The following CPNE3 variants were observed in gnomAD, a reference collection of about 807,000 sequenced individuals.
CPNE3 encodes copine-3.
CPNE3 carries 68 observed loss-of-function variants against 63.9 expected under a neutral mutation model. That is an observed-to-expected ratio of 1.06 (90% confidence interval 0.87 to 1.30). The LOEUF (loss-of-function observed/expected upper bound fraction) is 1.30. CPNE3 is among the 50% of genes most tolerant of loss of function. The pLI, the probability that CPNE3 is intolerant of heterozygous loss-of-function variation, is 0.00. For synonymous variants in CPNE3, 219 were observed against 197.5 expected (o/e 1.11, Z -0.91); for missense variants, 665 against 578.1 (o/e 1.15, Z -1.54).
Position 86,546,604 on chromosome 8 carries a change from G to T in CPNE3, c.742G>T (p.Glu248Ter). 6.2e-7 allele frequency: 1 copy of T among 1,612,674 alleles called. No homozygotes were observed. Among genetic ancestry groups the T allele is most frequent in the South Asian group, 1.1e-5 (1 of 90,686 alleles). Residue 248 changes from glutamate to a stop codon, truncating the protein, a stop_gained, in exon 10 of 17, where the codon GAA becomes TAA. Coordinates refer to ENST00000517490, the MANE Select transcript of CPNE3 (RefSeq NM_003909.5). LOFTEE classifies it high-confidence loss of function. ...TCTTCTCTTCCTACAGGTTGAATTT[G>T]AATGCATAAATGAGAAAAAAAGGCA... is the stretch of plus-strand genomic sequence containing the variant. ...EASRSSPVEF[E>*]CINEKKRQKK...
intron 2 of CPNE3, among the ~76,000 whole-genome samples, chr8:86,525,275 A>G (rs915020499): frequency 6.6e-6 from 1 of 152,166 alleles, no homozygotes; most frequent in Non-Finnish European, 1.5e-5. Context: ...GTATGAGCCA[A>G]TATGCCCAGC....
At chr8:86,517,303 C>G (rs974435953) in intron 2 of CPNE3, among the ~76,000 whole-genome samples, 5 of 152,104 alleles carry the variant, frequency 3.3e-5, no homozygotes, top group Non-Finnish European at 4.4e-5. Context: ...GAAGGAAATA[C>G]TACATACTCA....
At position 86,558,630 on chromosome 8, in the gene CPNE3, A is replaced by G; in HGVS notation, c.*220A>G. 4.3e-6 allele frequency: 2 copies of G among 465,742 alleles called. No individual in the cohort carries two copies. Among genetic ancestry groups the G allele is most frequent in the Admixed American group, 3.3e-5 (1 of 30,018 alleles). The allele number at this position is 465,742 out of a possible 1,614,324, so 28.9% of individuals were successfully genotyped here. A position where few individuals can be genotyped will look rare whatever the true frequency, so the allele number is the denominator to read the frequency against. On this transcript the variant is annotated 3_prime_UTR_variant, in exon 17 of 17. Coordinates refer to ENST00000517490, the MANE Select transcript of CPNE3 (RefSeq NM_003909.5). ...AATTCAGTGATTGATAGCAATTTAC[A>G]TTAATTGCAGTAAAGCTCTTTGGAT...
Position 86,551,043 on chromosome 8 carries a change from T to C in CPNE3, c.1014-3T>C. 1 of 1,588,520 alleles carries C rather than the reference T, an allele frequency of 6.3e-7. No homozygotes were observed. Among genetic ancestry groups the C allele is most frequent in the Non-Finnish European group, 8.6e-7 (1 of 1,167,960 alleles). ...ATTTTATTAAATATTTTTTTCTTTT[T>C]AGTGATAAGATGTTTCCAGCTTTTG... On this transcript the variant is annotated splice_region_variant and splice_polypyrimidine_tract_variant and intron_variant, in intron 12 of 16. Coordinates refer to ENST00000517490, the MANE Select transcript of CPNE3 (RefSeq NM_003909.5).
At chr8:86,542,375 G>A (rs1820959992) in intron 8 of CPNE3, among the ~76,000 whole-genome samples, 1 of 152,098 alleles carries the variant, frequency 6.6e-6, no homozygotes, top group African/African-American at 2.4e-5. Flanking sequence ...AAGATCAAGT[G>A]AATACGAAAA....
At chr8:86,529,680 C>T (rs1324913764) in intron 4 of CPNE3, among the ~76,000 whole-genome samples, 1 of 152,144 alleles carries the variant, frequency 6.6e-6, no homozygotes, top group Non-Finnish European at 1.5e-5. Flanking sequence ...TCTGTCTTCC[C>T]AGTATATGAT....
Position 86,524,911 on chromosome 8 carries a change from A to C in CPNE3, c.-10-3625A>C, listed in dbSNP as rs191072291. The C allele has an allele frequency of 6.2e-5, 8 of 129,556 alleles. No homozygotes were observed. The East Asian group carries it at 1.6e-3, about 25-fold the overall frequency. 8.0% of individuals were successfully genotyped at this position (129,556 alleles called of 1,614,324 possible). A position where few individuals can be genotyped will look rare whatever the true frequency, so the allele number is the denominator to read the frequency against. Reference sequence around the variant, plus strand: ...TGCTCTGTCGCCCAGGTTGGAATGCAATGGCGTGATCTCACTGACCGAAAC... The same window carrying C: ...TGCTCTGTCGCCCAGGTTGGAATGCCATGGCGTGATCTCACTGACCGAAAC... On this transcript the variant is annotated intron_variant, in intron 2 of 16. Coordinates refer to ENST00000517490, the MANE Select transcript of CPNE3 (RefSeq NM_003909.5).
At chr8:86,547,496 C>A in intron 10 of CPNE3, 1 of 467,428 alleles carries the variant, frequency 2.1e-6, no homozygotes, top group Non-Finnish European at 3.8e-6. Flanking sequence ...CATTAGTATT[C>A]TAATCTTAAC....
chr8:86,532,547 G>T lies in CPNE3; in HGVS notation c.426G>T (p.Leu142Phe). The change falls in exon 6 of 17, where the codon TTG (leucine) becomes TTT (phenylalanine). Residue 142 changes from leucine to phenylalanine, a missense_variant. Transcript: ENST00000517490. The stretch of plus-strand genomic sequence containing the variant: ...AAATAAAAGATAATAGAGTGGTCTT[G>T]TTTGAAATGGAAGCCAGAAAACTGG... ...AEEIKDNRVV[L>F]FEMEARKLDN... 2 of 1,613,248 alleles carry T rather than the reference G, an allele frequency of 1.2e-6. No homozygotes were observed. The highest frequency in any genetic ancestry group is 8.5e-7 in the Non-Finnish European group (1 of 1,179,594).
At chr8:86,532,383 T>C (rs561662919) in intron 5 of CPNE3, 126 bp from the exon 6 acceptor site, 7 of 592,994 alleles carry the variant, frequency 1.2e-5, no homozygotes, top group Admixed American at 3.3e-5. Context: ...CATTTTCTTA[T>C]GAAACATTTT....
At chr8:86,539,967 C>CA (rs1820896711) in intron 7 of CPNE3, among the ~76,000 whole-genome samples, 1 of 152,064 alleles carries the variant, frequency 6.6e-6, no homozygotes, top group East Asian at 1.9e-4. Context: ...GCCCAGCCAT[C>CA]CTCTGTAGTT....
intron 2 of CPNE3, among the ~76,000 whole-genome samples, chr8:86,517,069 A>G (rs11781016): frequency 1.3e-5 from 2 of 151,932 alleles, no homozygotes; most frequent in African/African-American, 4.8e-5. Flanking sequence ...TCAGCCTACA[A>G]TCTAGCTTCC....
intron 10 of CPNE3, 89 bp downstream of exon 10, chr8:86,546,770 G>A: frequency 7.1e-7 from 1 of 1,404,184 alleles, no homozygotes; most frequent in South Asian, 1.4e-5. Flanking sequence ...GGAGCGCAGT[G>A]GTGTGATCTC....
rs758311458 is a variant in CPNE3 at position 86,556,279 on chromosome 8, T to A, written c.1432T>A (p.Leu478Met). ...TGATGGTGGAAGTCTCCGCTCCCCA[T>A]TGGGCGAAGTGGCCATCAGAGATAT... Reference protein sequence around the residue: ...DGDGGSLRSPLGEVAIRDIVQ... With the variant: ...DGDGGSLRSPMGEVAIRDIVQ... The change falls in exon 16 of 17, where the codon TTG becomes ATG. Residue 478 changes from leucine (L) to methionine (M), a missense_variant. Transcript: ENST00000517490. 10 of 873,022 alleles carry A rather than the reference T, an allele frequency of 1.1e-5. No individual in the cohort carries two copies. The highest frequency in any genetic ancestry group is 2.0e-5 in the Non-Finnish European group (10 of 501,682). 54.1% of individuals were successfully genotyped at this position (873,022 alleles called of 1,614,324 possible).
At chr8:86,553,922 T>C (rs574519605) in intron 14 of CPNE3, 1 of 152,336 alleles carries the variant, frequency 6.6e-6, no homozygotes, top group South Asian at 2.1e-4. Flanking sequence ...TGACCAGCAA[T>C]GTCAGTCAGC....
At position 86,554,850 on chromosome 8, in the gene CPNE3, G is replaced by C. The variant is rs138127593; in HGVS notation, c.1121-1G>C. Reference sequence around the variant, plus strand: ...GTTTTTTATTTGTTTGTTTGTTCTAGGAATCCAAGGCATTGTAGAGGCGTA... The same window carrying C: ...GTTTTTTATTTGTTTGTTTGTTCTACGAATCCAAGGCATTGTAGAGGCGTA... On this transcript the variant is annotated splice_acceptor_variant, in intron 14 of 16. Coordinates refer to ENST00000517490, the MANE Select transcript of CPNE3 (RefSeq NM_003909.5). LOFTEE classifies it high-confidence loss of function. The C allele has an allele frequency of 5.6e-6, 9 of 1,611,594 alleles. No homozygotes were observed. The highest frequency in any genetic ancestry group is 7.6e-6 in the Non-Finnish European group (9 of 1,178,910).
intron 7 of CPNE3, 95 bp from the exon 8 acceptor site, chr8:86,540,150 T>C: frequency 1.3e-6 from 1 of 750,820 alleles, no homozygotes. Flanking sequence ...GGAGGACGAA[T>C]GGTGAGAGTA....
intron 9 of CPNE3, 173 bp downstream of exon 9, chr8:86,545,011 A>C: frequency 2.7e-6 from 1 of 369,920 alleles, no homozygotes. Flanking sequence ...TGGGGCATGA[A>C]TTTTATTGAG....
chr8:86,556,386 A>T (rs753925489), intron 16 of CPNE3, 48 bp downstream of exon 16: 3 of 864,472 alleles, frequency 3.5e-6, no homozygotes, highest in African/African-American at 1.6e-5. Flanking sequence ...CTGAACACAG[A>T]CCTTTGCCCA....
Sources: gnomAD v4.1 joint callset for allele counts (sites outside exome capture counted in the v4.1 genomes callset) on GRCh38, gnomAD v4.1.1 for gene constraint, MANE v1.5 for transcripts, NCBI Gene and HGNC (gene_info 2026-07-23, HGNC 2026-07-21) for gene names.